Variants in ICA1 observed in about 807,000 individuals in gnomAD.
ICA1 encodes the protein 69 kDa islet cell autoantigen.
In ICA1, 40 loss-of-function variants were observed where a neutral mutation model predicts 71.0. The ratio of observed to expected loss-of-function variants is 0.56; its 90% confidence interval spans 0.44 to 0.73. ICA1 has a LOEUF of 0.73. ICA1 is among the 30% of genes least tolerant of loss of function. The pLI, the probability that ICA1 is intolerant of heterozygous loss-of-function variation, is 0.00. For missense variants in ICA1, 578 were observed against 576.5 expected, an observed-to-expected ratio of 1.00 and a Z score of -0.03; for synonymous variants, 207 against 209.5, an observed-to-expected ratio of 0.99 and a Z score of 0.10.
Position 8,173,814 on chromosome 7 carries a change from C to A in ICA1, c.580-15162G>T, listed in dbSNP as rs765059708. Among the ~76,000 whole-genome samples, 6 of 151,848 alleles carry A rather than the reference C, an allele frequency of 4.0e-5. No individual in the cohort carries two copies. Among genetic ancestry groups the A allele is most frequent in the Non-Finnish European group, 8.8e-5 (6 of 67,982 alleles). On this transcript the variant is annotated intron_variant, in intron 6 of 13. Transcript: ENST00000402384. This position sits in a 1 kb window ranked among gnomAD's most constrained non-coding sequence, Gnocchi z 4.0. ...TCTTCCCTCTCTTCCTCCTCCCAAGCAATATAATTGAACACCTATAGCTCT... is the reference window on the plus strand; with the variant it reads ...TCTTCCCTCTCTTCCTCCTCCCAAGAAATATAATTGAACACCTATAGCTCT...
intron 6 of ICA1, among the ~76,000 whole-genome samples, chr7:8,198,901 G>GA (rs1484737488): frequency 6.6e-6 from 1 of 152,054 alleles, no homozygotes; most frequent in Admixed American, 6.5e-5. Context: ...AACTCAATAG[G>GA]AAAAAATCTA....
chr7:8,137,083 A>G (rs1237084800), intron 12 of ICA1, among the ~76,000 whole-genome samples: 1 of 152,032 alleles, frequency 6.6e-6, no homozygotes, highest in Non-Finnish European at 1.5e-5. Context: ...GGGAAACAAA[A>G]TACAGACTCG....
chr7:8,166,261 T>C (rs1475200505), intron 6 of ICA1, among the ~76,000 whole-genome samples: 2 of 152,108 alleles, frequency 1.3e-5, no homozygotes, highest in Non-Finnish European at 2.9e-5. Context: ...TATATGCACA[T>C]AAGGCAAAAG....
At chr7:8,185,622 C>T (rs1188428023) in intron 6 of ICA1, among the ~76,000 whole-genome samples, 1 of 152,182 alleles carries the variant, frequency 6.6e-6, no homozygotes, top group Non-Finnish European at 1.5e-5. Flanking sequence ...AACCATCTGC[C>T]TGGAGTGAAA....
intron 8 of ICA1, among the ~76,000 whole-genome samples, chr7:8,152,732 C>CATCTCCTTCAACACCACT (rs1799628886): frequency 6.9e-6 from 1 of 145,916 alleles, no homozygotes; most frequent in Non-Finnish European, 1.6e-5. Context: ...CCATCACCAC[C>CATCTCCTTCAACACCACT]ACCACCACAA....
intron 6 of ICA1, among the ~76,000 whole-genome samples, chr7:8,174,771 A>AAAAAAAAACAAAAAAAC (rs1554310917): frequency 1.9e-5 from 2 of 106,060 alleles, no homozygotes; most frequent in Non-Finnish European, 4.0e-5. Context: ...AAAAAAAAAA[A>AAAAAAAAACAAAAAAAC]AAAAAAAACA....
At chr7:8,182,307 G>C (rs772636402) in intron 6 of ICA1, among the ~76,000 whole-genome samples, 6 of 152,156 alleles carry the variant, frequency 3.9e-5, no homozygotes, top group Non-Finnish European at 5.9e-5. Flanking sequence ...TCAATTGCTT[G>C]ATTAATGTCT....
chr7:8,172,039 G>T (rs970232523), intron 6 of ICA1, among the ~76,000 whole-genome samples: 4 of 151,950 alleles, frequency 2.6e-5, no homozygotes, highest in Non-Finnish European at 2.9e-5. Context: ...CTATCTTGGT[G>T]AATGTTTCAT....
At chr7:8,155,472 A>G (rs1426120165) in intron 8 of ICA1, among the ~76,000 whole-genome samples, 1 of 152,222 alleles carries the variant, frequency 6.6e-6, no homozygotes, top group Non-Finnish European at 1.5e-5. Context: ...GGGTTCTTCC[A>G]TGCTTGTGGC....
chr7:8,125,539 T>C (rs916864157), intron 13 of ICA1, among the ~76,000 whole-genome samples: 1 of 152,238 alleles, frequency 6.6e-6, no homozygotes, highest in Non-Finnish European at 1.5e-5. Flanking sequence ...AACACTCCAT[T>C]ATCCCCAGGC....
intron 12 of ICA1, 86 bp from the exon 13 acceptor site, chr7:8,128,228 A>T: frequency 2.2e-6 from 3 of 1,362,544 alleles, no homozygotes; most frequent in Non-Finnish European, 3.0e-6. Flanking sequence ...GAAGGGGGAG[A>T]CTGGTTGATG....
chr7:8,235,341 T>A (rs1801517978), intron 2 of ICA1, among the ~76,000 whole-genome samples: 1 of 152,132 alleles, frequency 6.6e-6, no homozygotes, highest in South Asian at 2.1e-4. Flanking sequence ...TTACAAGAGG[T>A]TTAACATGCT....
chr7:8,217,299 C>T (rs1795693427), intron 6 of ICA1, among the ~76,000 whole-genome samples: 1 of 152,192 alleles, frequency 6.6e-6, no homozygotes, highest in South Asian at 2.1e-4. Context: ...TAAAACTTGA[C>T]TTTAAAGAAA....
At chr7:8,172,814 T>G (rs1388037419) in intron 6 of ICA1, among the ~76,000 whole-genome samples, 5 of 152,196 alleles carry the variant, frequency 3.3e-5, no homozygotes, top group Admixed American at 6.5e-5. Flanking sequence ...CACCTCTGAT[T>G]TCTCAAATGT....
intron 6 of ICA1, among the ~76,000 whole-genome samples, chr7:8,163,351 A>G (rs1325205239): frequency 6.6e-6 from 1 of 152,212 alleles, no homozygotes; most frequent in Non-Finnish European, 1.5e-5. Context: ...CATTTTTCTA[A>G]GAGTTTTATT....
At chr7:8,124,465 A>C (rs974251567) in intron 13 of ICA1, among the ~76,000 whole-genome samples, 2 of 152,008 alleles carry the variant, frequency 1.3e-5, no homozygotes, top group Non-Finnish European at 2.9e-5. Flanking sequence ...AAAAAAAAAA[A>C]AAAAACTCAA....
At chr7:8,246,493 C>T (rs990377689) in intron 1 of ICA1, among the ~76,000 whole-genome samples, 5 of 152,186 alleles carry the variant, frequency 3.3e-5, no homozygotes, top group African/African-American at 1.2e-4. Context: ...CTGAGGTCAG[C>T]ACCTTCTTCT....
intron 1 of ICA1, among the ~76,000 whole-genome samples, chr7:8,249,426 G>C (rs1205161108): frequency 6.6e-6 from 1 of 152,122 alleles, no homozygotes; most frequent in Non-Finnish European, 1.5e-5. Context: ...GAAACAGAGG[G>C]GCCAGCCTCT....
intron 2 of ICA1, among the ~76,000 whole-genome samples, chr7:8,233,716 A>C (rs1323575814): frequency 4.6e-5 from 7 of 152,116 alleles, no homozygotes; most frequent in African/African-American, 1.7e-4. Context: ...TATTGTTAAC[A>C]ATACTGTATT....
Sources: gnomAD v4.1 joint callset for allele counts (sites outside exome capture counted in the v4.1 genomes callset) on GRCh38, gnomAD v4.1.1 for gene constraint, Gnocchi (gnomAD v3.1) non-coding constraint, MANE v1.5 for transcripts, NCBI Gene and HGNC (gene_info 2026-07-23, HGNC 2026-07-21) for gene names.